KCNS3: variants seen among roughly 807,000 people sequenced by gnomAD.
KCNS3 encodes delayed-rectifier potassium channel regulatory subunit KCNS3.
KCNS3 carries 13 observed loss-of-function variants against 31.0 expected under a neutral mutation model. That is an observed-to-expected ratio of 0.42 (90% CI 0.27 to 0.67). The LOEUF is 0.67. KCNS3 is among the 30% of genes least tolerant of loss of function. The probability of loss-of-function intolerance (pLI) is 0.25; values close to 1 mark genes in which losing one functional copy is unlikely to be tolerated. For synonymous variants in KCNS3, 238 were observed against 241.5 expected (o/e 0.99, Z 0.13); for missense variants, 545 against 622.4 (o/e 0.88, Z 1.32).
chr2:17,902,241 T>A (rs140375303), intron 1 of KCNS3, among the ~76,000 whole-genome samples: 1 of 151,906 alleles, frequency 6.6e-6, no homozygotes, highest in Non-Finnish European at 1.5e-5. Context: ...AAAAATGGGG[T>A]ATTAGGTCAA....
chr2:17,909,410 T>G (rs1662418753), intron 1 of KCNS3, among the ~76,000 whole-genome samples: 1 of 152,132 alleles, frequency 6.6e-6, no homozygotes, highest in Admixed American at 6.5e-5. Flanking sequence ...TCTTCCCAGG[T>G]GAGGCAATGC....
chr2:17,896,662 C>CT (rs879740566), intron 1 of KCNS3, among the ~76,000 whole-genome samples: 2 of 151,978 alleles, frequency 1.3e-5, no homozygotes, highest in Admixed American at 1.3e-4. Flanking sequence ...TGAATATTGA[C>CT]TTTGTAAGTA....
chr2:17,911,442 G>A (rs900918446), intron 1 of KCNS3, among the ~76,000 whole-genome samples: 10 of 152,050 alleles, frequency 6.6e-5, no homozygotes, highest in African/African-American at 2.2e-4. Context: ...CTTTTCCTCT[G>A]CCCAGATGCT....
At chr2:17,921,588 G>A (rs552939173) in intron 2 of KCNS3, among the ~76,000 whole-genome samples, 22 of 151,906 alleles carry the variant, frequency 1.4e-4, no homozygotes, top group African/African-American at 4.6e-4. Flanking sequence ...TAAGAGTTCC[G>A]CATGGCTGGG....
chr2:17,901,930 C>T (rs1218119411), intron 1 of KCNS3, among the ~76,000 whole-genome samples: 4 of 152,238 alleles, frequency 2.6e-5, no homozygotes, highest in Admixed American at 6.5e-5. Context: ...ACCGGTGTTC[C>T]CTAGTAGTTA....
intron 1 of KCNS3, among the ~76,000 whole-genome samples, chr2:17,896,346 C>A (rs1385876969): frequency 6.6e-6 from 1 of 152,102 alleles, no homozygotes; most frequent in East Asian, 1.9e-4. Context: ...AGCCACTGTG[C>A]CTGGCCTGTG....
At chr2:17,923,258 A>G (rs1467155029) in intron 2 of KCNS3, among the ~76,000 whole-genome samples, 1 of 152,128 alleles carries the variant, frequency 6.6e-6, no homozygotes, top group African/African-American at 2.4e-5. Context: ...TTGGCCATTT[A>G]TATGTTTTCA....
At chr2:17,879,835 C>T (rs1674600528) in intron 1 of KCNS3, among the ~76,000 whole-genome samples, 1 of 152,192 alleles carries the variant, frequency 6.6e-6, no homozygotes, top group African/African-American at 2.4e-5. Flanking sequence ...CCTCCACCTG[C>T]CAAAATGACC....
At chr2:17,920,723 T>G (rs1226139509) in intron 2 of KCNS3, among the ~76,000 whole-genome samples, 2 of 152,146 alleles carry the variant, frequency 1.3e-5, no homozygotes, top group Non-Finnish European at 2.9e-5. Flanking sequence ...AGAATGAAAA[T>G]AGCAGTTGGG....
At chr2:17,914,635 A>C (rs1662548333) in intron 1 of KCNS3, among the ~76,000 whole-genome samples, 1 of 152,222 alleles carries the variant, frequency 6.6e-6, no homozygotes, top group African/African-American at 2.4e-5. Flanking sequence ...TTGGTTCAAA[A>C]AATGTGTCAT....
intron 2 of KCNS3, among the ~76,000 whole-genome samples, chr2:17,926,959 C>T (rs1221458776): frequency 6.6e-6 from 1 of 152,226 alleles, no homozygotes; most frequent in Non-Finnish European, 1.5e-5. Flanking sequence ...CCTTTATGCT[C>T]TGCTTCCCTT....
chr2:17,887,263 C>T (rs546800778), intron 1 of KCNS3, among the ~76,000 whole-genome samples: 8 of 151,942 alleles, frequency 5.3e-5, no homozygotes, highest in Non-Finnish European at 8.8e-5. Context: ...TAATCCCTCC[C>T]CCACTCCCAC....
chr2:17,888,629 G>GTATATATATATATA (rs70964021), intron 1 of KCNS3, among the ~76,000 whole-genome samples: 1 of 92,406 alleles, frequency 1.1e-5, no homozygotes, highest in African/African-American at 4.5e-5. Context: ...TAAAAAAAAT[G>GTATATATATATATA]TATATATATA....
At position 17,878,737 on chromosome 2, in the gene KCNS3, C is replaced by A. The variant is rs1300740297; in HGVS notation, c.-321C>A. 1 of 151,616 alleles carries A rather than the reference C, an allele frequency of 6.6e-6. No homozygotes were observed. The highest frequency in any genetic ancestry group is 1.5e-5 in the Non-Finnish European group (1 of 67,862). The allele number at this position is 151,616 out of a possible 1,614,324, so 9.4% of individuals were successfully genotyped here. On this transcript the variant is annotated 5_prime_UTR_variant, in exon 1 of 3. Transcript: ENST00000304101. ...GCAGGCGCGGGGCCGCGCCGCGAGGCCTGATCCCTGCAGCGCGGGCAGGCG... is the reference window on the plus strand; with the variant it reads ...GCAGGCGCGGGGCCGCGCCGCGAGGACTGATCCCTGCAGCGCGGGCAGGCG...
chr2:17,879,674 A>AC (rs1333350809), intron 1 of KCNS3, among the ~76,000 whole-genome samples: 1 of 151,452 alleles, frequency 6.6e-6, no homozygotes, highest in Non-Finnish European at 1.5e-5. Flanking sequence ...CTTGTCCTGC[A>AC]CCCCCAACCC....
intron 2 of KCNS3, among the ~76,000 whole-genome samples, chr2:17,927,162 C>T (rs1662857620): frequency 6.6e-6 from 1 of 152,184 alleles, no homozygotes; most frequent in Admixed American, 6.5e-5. Flanking sequence ...AGTCTCTTTG[C>T]TAAAGCATAG....
chr2:17,930,889 A>C, intron 2 of KCNS3, 61 bp from the exon 3 acceptor site: 1 of 1,193,060 alleles, frequency 8.4e-7, no homozygotes, highest in East Asian at 2.4e-5. Flanking sequence ...GGGCAGATTA[A>C]AAATAAGCTT....
chr2:17,931,704 G>T lies in KCNS3; in HGVS notation c.696G>T (p.Trp232Cys), dbSNP rs1662979803. 1 of 1,613,542 alleles carries T rather than the reference G, an allele frequency of 6.2e-7. No individual in the cohort carries two copies. Reference protein sequence around the residue: ...LEGVEIACIAWFTGELAVRLA... With the variant: ...LEGVEIACIACFTGELAVRLA... The stretch of plus-strand genomic sequence containing the variant: ...GAGTGGAGATCGCGTGCATTGCCTG[G>T]TTCACCGGGGAGCTTGCCGTCCGGC... The change falls in exon 3 of 3, where the codon TGG becomes TGT. Residue 232 changes from tryptophan (W) to cysteine (C), a missense_variant. Trp to Cys is a radical substitution (Grantham distance 215). Transcript: ENST00000304101. This position sits in a 1 kb window ranked among gnomAD's most constrained non-coding sequence, Gnocchi z 5.4.
intron 1 of KCNS3, among the ~76,000 whole-genome samples, chr2:17,898,261 T>G (rs538887211): frequency 9.7e-4 from 117 of 121,238 alleles, no homozygotes; most frequent in African/African-American, 3.5e-3. Flanking sequence ...TTTTTTTTTT[T>G]GCTTAAGATT....
Sources: allele counts gnomAD v4.1 joint callset (sites outside exome capture counted in the v4.1 genomes callset), GRCh38; gene constraint gnomAD v4.1.1; non-coding constraint Gnocchi (gnomAD v3.1); transcripts MANE v1.5; gene names NCBI Gene and HGNC (gene_info 2026-07-23, HGNC 2026-07-21).